The following STK3 variants were observed in gnomAD, a reference collection of about 807,000 sequenced individuals.
The protein encoded by STK3 is serine/threonine kinase 3.
Under a neutral mutation model 58.0 loss-of-function variants are expected in STK3, and 41 were observed. The observed-to-expected ratio is 0.71, with a 90% CI of 0.55 to 0.92. STK3 has a LOEUF of 0.92. Among genes scored for constraint, STK3 ranks in the 40% least tolerant of loss-of-function variants. STK3 has a pLI of 0.00. For missense variants in STK3, 479 were observed against 602.7 expected (o/e 0.79, Z 2.15); for synonymous variants, 170 against 191.0 (o/e 0.89, Z 0.91).
chr8:98,865,656 G>T (rs1837110411), intron 3 of STK3, among the ~76,000 whole-genome samples: 1 of 152,172 alleles, frequency 6.6e-6, no homozygotes, highest in Non-Finnish European at 1.5e-5. Context: ...AGCCTAGTTT[G>T]CTATTTTTAA....
At chr8:98,898,311 T>C (rs1838532462) in intron 1 of STK3, among the ~76,000 whole-genome samples, 1 of 152,238 alleles carries the variant, frequency 6.6e-6, no homozygotes, top group African/African-American at 2.4e-5. Flanking sequence ...GTCGGTCGGG[T>C]AGAGTTTCAC....
At chr8:98,714,993 C>T (rs1323204443) in intron 4 of STK3, among the ~76,000 whole-genome samples, 3 of 152,190 alleles carry the variant, frequency 2.0e-5, no homozygotes, top group African/African-American at 7.2e-5. Flanking sequence ...CTACAACTAC[C>T]TGATCTTTGA....
At chr8:98,658,086 A>G (rs1403794879) in intron 6 of STK3, among the ~76,000 whole-genome samples, 3 of 152,084 alleles carry the variant, frequency 2.0e-5, no homozygotes, top group Admixed American at 1.3e-4. Flanking sequence ...TAAAATCTTT[A>G]TATGTCAGTA....
intron 6 of STK3, among the ~76,000 whole-genome samples, chr8:98,664,553 C>A (rs1822196668): frequency 6.6e-6 from 1 of 152,208 alleles, no homozygotes; most frequent in African/African-American, 2.4e-5. Context: ...TTGCTTCCTT[C>A]AGAACCAGGT....
intron 1 of STK3, among the ~76,000 whole-genome samples, chr8:98,922,935 T>C (rs186627877): frequency 1.2e-3 from 179 of 152,370 alleles, no homozygotes; most frequent in Non-Finnish European, 3.1e-4. Flanking sequence ...TTTTATGAAA[T>C]ATGGAAACTA....
chr8:98,498,009 T>C (rs1823275288), intron 10 of STK3, among the ~76,000 whole-genome samples: 2 of 152,200 alleles, frequency 1.3e-5, no homozygotes, highest in Admixed American at 1.3e-4. Flanking sequence ...TTATTCATAA[T>C]AGTGAAAGGA....
intron 4 of STK3, among the ~76,000 whole-genome samples, chr8:98,714,681 C>A (rs1826845657): frequency 6.6e-6 from 1 of 152,116 alleles, no homozygotes; most frequent in African/African-American, 2.4e-5. Flanking sequence ...TAGGAAGAAT[C>A]AATATCGTGA....
rs1187304586 is a variant in STK3, at chr8:98,908,843, CAAAAAAA to C, written c.-78-25016_-78-25010del. 8.3e-5 allele frequency among the ~76,000 whole-genome samples: 5 copies of C among 60,454 alleles called. No homozygotes were observed. In the South Asian group the frequency reaches 2.4e-3, roughly 28 times the overall value. 39.7% of individuals were successfully genotyped at this position (60,454 alleles called of 152,430 possible). ...GGGGGACAAGAGAGAGACTTCTTCTCAAAAAAAAAAAAAAAAAAAAAGAAAAACAAGG... is the reference window on the plus strand; with the variant it reads ...GGGGGACAAGAGAGAGACTTCTTCTCAAAAAAAAAAAAAAGAAAAACAAGG... On this transcript the variant is annotated intron_variant, in intron 1 of 1. Coordinates refer to the STK3 transcript ENST00000519420.
intron 3 of STK3, among the ~76,000 whole-genome samples, chr8:98,862,435 A>C (rs187566706): frequency 1.8e-3 from 268 of 152,376 alleles, no homozygotes; most frequent in Middle Eastern, 0.01. Context: ...CAGTATATCC[A>C]ACACGGGAAA....
At chr8:98,846,776 G>A (rs1380940360) in intron 3 of STK3, among the ~76,000 whole-genome samples, 2 of 152,020 alleles carry the variant, frequency 1.3e-5, no homozygotes, top group Admixed American at 6.6e-5. Context: ...GATGTGGAGA[G>A]ACTGTTCCCA....
intron 6 of STK3, among the ~76,000 whole-genome samples, chr8:98,694,940 T>G (rs1824743171): frequency 6.6e-6 from 1 of 152,186 alleles, no homozygotes; most frequent in Non-Finnish European, 1.5e-5. Context: ...ACTTCCACAA[T>G]GGTTGAACTA....
intron 10 of STK3, among the ~76,000 whole-genome samples, chr8:98,495,813 T>C (rs1823092612): frequency 6.6e-6 from 1 of 152,208 alleles, no homozygotes; most frequent in Admixed American, 6.5e-5. Context: ...TAAGTTTTGA[T>C]AGACTTAAAA....
chr8:98,705,353 G>A (rs548198270), intron 6 of STK3, among the ~76,000 whole-genome samples: 5 of 151,594 alleles, frequency 3.3e-5, no homozygotes, highest in East Asian at 1.9e-4. Flanking sequence ...GTCGAGGCTC[G>A]AGTGAGCCAT....
chr8:98,690,613 CAT>C (rs1824332603), intron 6 of STK3, among the ~76,000 whole-genome samples: 1 of 152,170 alleles, frequency 6.6e-6, no homozygotes, highest in Non-Finnish European at 1.5e-5. Flanking sequence ...TTAAAATGGT[CAT>C]ACTGCCCAAA....
At chr8:98,562,388 C>T (rs904985197) in intron 8 of STK3, among the ~76,000 whole-genome samples, 1 of 151,640 alleles carries the variant, frequency 6.6e-6, no homozygotes, top group Admixed American at 6.6e-5. Flanking sequence ...TTACAAAAAA[C>T]GTAGTGTTAA....
the STK3 span, among the ~76,000 whole-genome samples, chr8:98,344,912 A>G: frequency 4.0e-5 from 6 of 149,880 alleles, no homozygotes; most frequent in South Asian, 2.1e-4. Flanking sequence ...AAAAAAAAAA[A>G]AAAAAAGAAA....
rs183152930 is a variant in STK3, at chr8:98,821,981, G to A, written c.26+3534C>T. 2.0e-5 allele frequency among the ~76,000 whole-genome samples: 3 copies of A among 152,196 alleles called. No individual in the cohort carries two copies. In the East Asian group the frequency reaches 5.8e-4, roughly 29 times the overall value. On this transcript the variant is annotated intron_variant, in intron 1 of 10. Transcript: ENST00000419617. ...ATTTCAAAGTCAGTGACAAGGCCAG[G>A]CCTAATACCCATGCCTAACATTATG...
At chr8:98,714,962 C>T (rs1411670477) in intron 4 of STK3, among the ~76,000 whole-genome samples, 3 of 152,108 alleles carry the variant, frequency 2.0e-5, no homozygotes, top group African/African-American at 7.2e-5. Context: ...GAACAGAGCC[C>T]TCAGAAATAA....
intron 3 of STK3, among the ~76,000 whole-genome samples, chr8:98,850,068 A>G (rs1226997051): frequency 2.6e-5 from 4 of 152,228 alleles, no homozygotes; most frequent in South Asian, 2.1e-4. Flanking sequence ...TGCCCTATAC[A>G]TCATTTATTC....
Sources: allele counts gnomAD v4.1 joint callset (sites outside exome capture counted in the v4.1 genomes callset), GRCh38; gene constraint gnomAD v4.1.1; transcripts MANE v1.5; gene names NCBI Gene and HGNC (gene_info 2026-07-23, HGNC 2026-07-21).